The following NRXN1 variants were observed in gnomAD, a reference collection of about 807,000 sequenced individuals.
The protein encoded by NRXN1 is neurexin-1.
In NRXN1, 39 loss-of-function variants were observed where a neutral mutation model predicts 150.9. The observed-to-expected ratio is 0.26, with a 90% confidence interval of 0.20 to 0.34. The LOEUF (loss-of-function observed/expected upper bound fraction) is 0.34. Among genes scored for constraint, NRXN1 ranks in the 10% least tolerant of loss-of-function variants. The pLI, the probability that NRXN1 is intolerant of heterozygous loss-of-function variation, is 1.00. For missense variants in NRXN1, 1,815 were observed against 1,949.9 expected (o/e 0.93, Z 1.30); for synonymous variants, 924 against 757.0 (o/e 1.22, Z -3.62).
intron 18 of NRXN1, among the ~76,000 whole-genome samples, chr2:50,213,490 T>C (rs1216884357): frequency 1.3e-5 from 2 of 151,894 alleles, no homozygotes; most frequent in Non-Finnish European, 2.9e-5. Context: ...GATTTTCCTA[T>C]ACAACATAAT....
chr2:50,757,740 G>C (rs999262485), intron 5 of NRXN1, among the ~76,000 whole-genome samples: 15 of 151,764 alleles, frequency 9.9e-5, no homozygotes, highest in African/African-American at 3.6e-4. Context: ...CCAGGAAAAA[G>C]TTGAGGGTTA....
chr2:50,591,496 A>T (rs1443118234), intron 8 of NRXN1, among the ~76,000 whole-genome samples: 1 of 152,212 alleles, frequency 6.6e-6, no homozygotes, highest in East Asian at 1.9e-4. Context: ...GAAAGGAAAA[A>T]GTAAGCCAAA....
rs559127135 is a variant in NRXN1 at position 50,074,329 on chromosome 2, T to C, written c.3718+16994A>G. ...TCCCAATTTAAATCTCACGAAATCT[T>C]GCTTTCTTAAATATGTAAAATATAA... On this transcript the variant is annotated intron_variant, in intron 19 of 22. Transcript: ENST00000401669. Among the ~76,000 whole-genome samples, 3 of 152,268 alleles carry C rather than the reference T, an allele frequency of 2.0e-5. No individual in the cohort carries two copies. The South Asian group carries it at 6.2e-4, about 32-fold the overall frequency.
At chr2:50,887,522 G>A (rs1183460609) in intron 5 of NRXN1, among the ~76,000 whole-genome samples, 1 of 151,368 alleles carries the variant, frequency 6.6e-6, no homozygotes, top group African/African-American at 2.4e-5. Flanking sequence ...TTGAGAAAAT[G>A]GCTCCAATCA....
intron 17 of NRXN1, among the ~76,000 whole-genome samples, chr2:50,410,539 T>A (rs2104067393): frequency 6.6e-6 from 1 of 152,310 alleles, no homozygotes; most frequent in African/African-American, 2.4e-5. Flanking sequence ...ACACACTCAT[T>A]CTCCCAAAGA....
At chr2:50,683,646 A>AAAAAAATATATATATATATATATATATAT in intron 5 of NRXN1, among the ~76,000 whole-genome samples, 1 of 14,900 alleles carries the variant, frequency 6.7e-5, no homozygotes, top group Non-Finnish European at 1.1e-4. Context: ...AAAAAAAAAA[A>AAAAAAATATATATATATATATATATATAT]ATATATATAT....
chr2:50,366,590 C>T (rs1015907806), intron 17 of NRXN1, among the ~76,000 whole-genome samples: 1 of 151,934 alleles, frequency 6.6e-6, no homozygotes, highest in African/African-American at 2.4e-5. Context: ...AGTGAGAGTG[C>T]CCTTGTGACC....
At chr2:50,760,687 AAAAC>A (rs746159252) in intron 5 of NRXN1, among the ~76,000 whole-genome samples, 10 of 151,930 alleles carry the variant, frequency 6.6e-5, no homozygotes, top group Non-Finnish European at 5.9e-5. Flanking sequence ...AAAAAAAGTA[AAAAC>A]AAACAAAGAA....
intron 21 of NRXN1, among the ~76,000 whole-genome samples, chr2:50,032,928 CACACACATAAT>C (rs1428356613): frequency 1.3e-5 from 2 of 150,872 alleles, no homozygotes; most frequent in African/African-American, 4.9e-5. Context: ...TTCTTTTATA[CACACACATAAT>C]ACACACATAC....
chr2:50,059,159 AAGTCT>A (rs1325611032), intron 19 of NRXN1, among the ~76,000 whole-genome samples: 1 of 152,132 alleles, frequency 6.6e-6, no homozygotes, highest in Non-Finnish European at 1.5e-5. Context: ...GTTGACCAAA[AAGTCT>A]AGGCTGAGGT....
chr2:50,413,599 C>T (rs145430369), intron 17 of NRXN1, among the ~76,000 whole-genome samples: 2 of 152,232 alleles, frequency 1.3e-5, no homozygotes, highest in East Asian at 3.9e-4. Context: ...TAAATTAGTA[C>T]AACCACTATA....
chr2:50,570,843 A>G lies in NRXN1; in HGVS notation c.1321-17818T>C, dbSNP rs553273918. ...GTAGGATATGATTTATTTTGATATC[A>G]AAGTGTTTTCCGCAGCTTGGTTACC... On this transcript the variant is annotated intron_variant, in intron 8 of 22. Transcript: ENST00000401669. Among the ~76,000 whole-genome samples, 12 of 152,316 alleles carry G rather than the reference A, an allele frequency of 7.9e-5. No individual in the cohort carries two copies. In the South Asian group the frequency reaches 2.3e-3, roughly 29 times the overall value.
chr2:50,994,713 T>C (rs372063242), intron 2 of NRXN1, among the ~76,000 whole-genome samples: 1 of 152,074 alleles, frequency 6.6e-6, no homozygotes, highest in Non-Finnish European at 1.5e-5. Flanking sequence ...ATAGATAATA[T>C]AAATTACACA....
At chr2:50,711,903 C>A (rs1253697219) in intron 5 of NRXN1, among the ~76,000 whole-genome samples, 7 of 152,082 alleles carry the variant, frequency 4.6e-5, no homozygotes, top group Admixed American at 3.3e-4. Flanking sequence ...AGGCAAGAAG[C>A]CCATCACCAG....
chr2:50,128,260 GA>G (rs1310557902), intron 18 of NRXN1, among the ~76,000 whole-genome samples: 11 of 151,982 alleles, frequency 7.2e-5, no homozygotes, highest in African/African-American at 2.7e-4. Context: ...GAGGAAAAAA[GA>G]AAAAAGAGAT....
intron 8 of NRXN1, among the ~76,000 whole-genome samples, chr2:50,590,034 C>T (rs1306587180): frequency 6.6e-6 from 1 of 152,196 alleles, no homozygotes; most frequent in Admixed American, 6.5e-5. Flanking sequence ...TATGGAACAC[C>T]TGTCATGTGA....
intron 17 of NRXN1, among the ~76,000 whole-genome samples, chr2:50,453,366 G>C (rs1036012709): frequency 6.6e-6 from 1 of 152,142 alleles, no homozygotes; most frequent in Non-Finnish European, 1.5e-5. Context: ...CACCGTTTGG[G>C]AATGACTAAT....
intron 18 of NRXN1, among the ~76,000 whole-genome samples, chr2:50,096,702 T>G (rs947110511): frequency 6.6e-6 from 1 of 152,212 alleles, no homozygotes; most frequent in South Asian, 2.1e-4. Context: ...ATGGATTCAT[T>G]AAATAAACAG....
At chr2:50,766,002 T>C (rs945825066) in intron 5 of NRXN1, among the ~76,000 whole-genome samples, 2 of 152,032 alleles carry the variant, frequency 1.3e-5, no homozygotes, top group Non-Finnish European at 2.9e-5. Context: ...CCTGGCCCTT[T>C]GCATTTAGGT....
Sources: gnomAD v4.1 joint callset for allele counts (sites outside exome capture counted in the v4.1 genomes callset) on GRCh38, gnomAD v4.1.1 for gene constraint, MANE v1.5 for transcripts, NCBI Gene and HGNC (gene_info 2026-07-23, HGNC 2026-07-21) for gene names.